Variants in LSAMP observed in about 807,000 individuals in gnomAD.
LSAMP encodes limbic system associated membrane protein, also known as limbic system-associated membrane protein.
LSAMP carries 7 observed loss-of-function variants against 38.6 expected under a neutral mutation model. The ratio of observed to expected loss-of-function variants is 0.18; its 90% CI spans 0.10 to 0.34. The LOEUF (loss-of-function observed/expected upper bound fraction) is 0.34. LSAMP is among the 10% of genes least tolerant of loss of function. The pLI is 1.00. For missense variants in LSAMP, 313 were observed against 420.0 expected (o/e 0.75, Z 2.23); for synonymous variants, 154 against 166.8 (o/e 0.92, Z 0.59).
At chr3:116,230,691 C>A (rs2046393151) in intron 1 of LSAMP, among the ~76,000 whole-genome samples, 1 of 152,104 alleles carries the variant, frequency 6.6e-6, no homozygotes, top group Non-Finnish European at 1.5e-5. Flanking sequence ...GAAATGTTCA[C>A]CAATTGCTGC....
chr3:115,992,532 T>C (rs897082414), intron 3 of LSAMP, among the ~76,000 whole-genome samples: 1 of 152,028 alleles, frequency 6.6e-6, no homozygotes, highest in African/African-American at 2.4e-5. Context: ...CTGAGTAGAT[T>C]TGGTCATTTG....
chr3:115,998,697 A>C (rs150236449), intron 3 of LSAMP, among the ~76,000 whole-genome samples: 4 of 152,232 alleles, frequency 2.6e-5, no homozygotes, highest in Admixed American at 2.6e-4. Context: ...GTCTAAGCTA[A>C]GTTTCTCGTT....
chr3:116,426,153 A>T (rs760703895), intron 1 of LSAMP, among the ~76,000 whole-genome samples: 9 of 152,202 alleles, frequency 5.9e-5, no homozygotes, highest in Non-Finnish European at 1.0e-4. Flanking sequence ...TTCACTGCTC[A>T]TCACCAGTAC....
At chr3:116,345,429 A>G (rs1412176118) in intron 1 of LSAMP, among the ~76,000 whole-genome samples, 1 of 152,138 alleles carries the variant, frequency 6.6e-6, no homozygotes, top group Non-Finnish European at 1.5e-5. Context: ...TCGGCCCTGT[A>G]GTTCAGGACT....
chr3:115,935,705 G>T (rs4605542), intron 3 of LSAMP, among the ~76,000 whole-genome samples: 1 of 151,908 alleles, frequency 6.6e-6, no homozygotes, highest in African/African-American at 2.4e-5. Flanking sequence ...GTGGCAGGAT[G>T]GGGGTATGTC....
chr3:116,401,401 C>T (rs558713962), intron 1 of LSAMP, among the ~76,000 whole-genome samples: 68 of 152,314 alleles, frequency 4.5e-4, no homozygotes, highest in Non-Finnish European at 7.2e-4. Context: ...CCCACCTAAG[C>T]CTCCCAAGTA....
intron 1 of LSAMP, among the ~76,000 whole-genome samples, chr3:116,163,729 C>G (rs1365873127): frequency 6.6e-6 from 1 of 150,790 alleles, no homozygotes; most frequent in Non-Finnish European, 1.5e-5. Context: ...CACATCCTCT[C>G]CAAAAAAAAG....
intron 3 of LSAMP, among the ~76,000 whole-genome samples, chr3:115,962,428 C>T (rs913983270): frequency 1.3e-5 from 2 of 152,102 alleles, no homozygotes; most frequent in Admixed American, 6.6e-5. Context: ...AATGACACAC[C>T]GTGGCATAGT....
chr3:116,377,157 G>T (rs1238471712), intron 1 of LSAMP, among the ~76,000 whole-genome samples: 4 of 151,908 alleles, frequency 2.6e-5, no homozygotes, highest in Non-Finnish European at 4.4e-5. Flanking sequence ...GTGGTTTGCT[G>T]CACCTATCAA....
intron 3 of LSAMP, among the ~76,000 whole-genome samples, chr3:116,005,484 G>A (rs1251793484): frequency 1.3e-5 from 2 of 152,090 alleles, no homozygotes; most frequent in Non-Finnish European, 1.5e-5. Context: ...TTCCTTGGCA[G>A]AACCACACCT....
intron 1 of LSAMP, among the ~76,000 whole-genome samples, chr3:116,106,981 A>G (rs1310331583): frequency 6.6e-6 from 1 of 152,100 alleles, no homozygotes; most frequent in Non-Finnish European, 1.5e-5. Flanking sequence ...AGGAAATGAG[A>G]GGTTCTAAGA....
chr3:115,908,089 A>ATATG (rs1395683951), intron 3 of LSAMP, among the ~76,000 whole-genome samples: 2 of 151,728 alleles, frequency 1.3e-5, no homozygotes, highest in Non-Finnish European at 2.9e-5. Flanking sequence ...TAAGAAAGAT[A>ATATG]TATATATATA....
chr3:115,940,369 C>A (rs187092421), intron 3 of LSAMP, among the ~76,000 whole-genome samples: 1 of 39,862 alleles, frequency 2.5e-5, no homozygotes, highest in Non-Finnish European at 6.1e-5. Context: ...AGTCCTTTAG[C>A]TAGACAGAGT....
chr3:115,870,040 T>G (rs540541674), intron 3 of LSAMP, among the ~76,000 whole-genome samples: 29 of 152,070 alleles, frequency 1.9e-4, no homozygotes, highest in Non-Finnish European at 4.0e-4. Context: ...AAAATTAAAA[T>G]AATATTTTTT....
chr3:116,213,367 C>T (rs946171970), intron 1 of LSAMP, among the ~76,000 whole-genome samples: 1 of 152,186 alleles, frequency 6.6e-6, no homozygotes, highest in South Asian at 2.1e-4. Context: ...AGTTCCCCTG[C>T]ACAAGCTCTT....
chr3:116,160,464 G>T (rs1345841732), intron 1 of LSAMP, among the ~76,000 whole-genome samples: 1 of 150,756 alleles, frequency 6.6e-6, no homozygotes. Context: ...AGAGAGAAAA[G>T]AAGAGAAAAG....
At chr3:116,342,644 T>C (rs1462671720) in intron 1 of LSAMP, among the ~76,000 whole-genome samples, 1 of 152,044 alleles carries the variant, frequency 6.6e-6, no homozygotes, top group Non-Finnish European at 1.5e-5. Flanking sequence ...TATTCAGAGC[T>C]GTGAAAATAG....
At chr3:116,119,786 G>A (rs927049347) in intron 1 of LSAMP, among the ~76,000 whole-genome samples, 1 of 151,402 alleles carries the variant, frequency 6.6e-6, no homozygotes, top group African/African-American at 2.4e-5. Flanking sequence ...TCAGCCTCCC[G>A]AGTAGCTGGG....
chr3:116,405,049 T>C (rs1431957069), intron 1 of LSAMP, among the ~76,000 whole-genome samples: 1 of 151,782 alleles, frequency 6.6e-6, no homozygotes, highest in Non-Finnish European at 1.5e-5. Context: ...AGGCTAAGAG[T>C]TTATTCATAT....
Sources: allele counts gnomAD v4.1 joint callset (sites outside exome capture counted in the v4.1 genomes callset), GRCh38; gene constraint gnomAD v4.1.1; transcripts MANE v1.5; gene names NCBI Gene and HGNC (gene_info 2026-07-23, HGNC 2026-07-21).